The following TAF3 variants were observed in gnomAD, a reference collection of about 807,000 sequenced individuals.
TAF3 encodes transcription initiation factor TFIID subunit 3.
In TAF3, 7 loss-of-function variants were observed where a neutral mutation model predicts 80.6. That is an observed-to-expected ratio of 0.09 (90% confidence interval 0.05 to 0.16). The LOEUF is 0.16. TAF3 is among the 10% of genes least tolerant of loss of function. The pLI, the probability that TAF3 is intolerant of heterozygous loss-of-function variation, is 1.00. For missense variants in TAF3, 921 were observed against 1,140.2 expected, an observed-to-expected ratio of 0.81 and a Z score of 2.77; for synonymous variants, 444 against 446.1, an observed-to-expected ratio of 1.00 and a Z score of 0.06.
In TAF3 at chr10:8,009,453, A is replaced by G; in HGVS notation, c.2568+123A>G. ...TCAAAATTTTATTATTTACTTAATT[A>G]TTTTTGAGACAGGGTCTCCCTGTGT... On this transcript the variant is annotated intron_variant, in intron 5 of 6. Transcript: ENST00000344293. This position sits in a 1 kb window ranked among gnomAD's most constrained non-coding sequence, Gnocchi z 4.1. The G allele has an allele frequency of 2.2e-6, 3 of 1,341,410 alleles. No individual in the cohort carries two copies. Among genetic ancestry groups the G allele is most frequent in the Non-Finnish European group, 2.9e-6 (3 of 1,023,682 alleles). The allele number at this position is 1,341,410 out of a possible 1,614,324, so 83.1% of individuals were successfully genotyped here.
At chr10:7,835,070 C>T (rs1321852256) in intron 2 of TAF3, among the ~76,000 whole-genome samples, 2 of 152,134 alleles carry the variant, frequency 1.3e-5, no homozygotes, top group Non-Finnish European at 2.9e-5. Flanking sequence ...GTCTTCTCTT[C>T]TTTATAGAAA....
At chr10:7,869,332 A>G (rs1386516280) in intron 2 of TAF3, among the ~76,000 whole-genome samples, 1 of 152,148 alleles carries the variant, frequency 6.6e-6, no homozygotes, top group Non-Finnish European at 1.5e-5. Flanking sequence ...ATACACACAC[A>G]TAAATACATA....
At chr10:7,904,977 T>C (rs1837593723) in intron 2 of TAF3, among the ~76,000 whole-genome samples, 3 of 152,166 alleles carry the variant, frequency 2.0e-5, no homozygotes, top group Non-Finnish European at 4.4e-5. Flanking sequence ...CACTGCCCTT[T>C]TTCTTTTGCT....
intron 2 of TAF3, among the ~76,000 whole-genome samples, chr10:7,895,156 GAAAGGT>G (rs1382816108): frequency 6.6e-6 from 1 of 152,112 alleles, no homozygotes; most frequent in African/African-American, 2.4e-5. Flanking sequence ...GCCTCTCTTT[GAAAGGT>G]AAATCCTAAA....
rs1837306820 is a variant in TAF3 at position 7,875,717 on chromosome 10, A to AC, written c.409+51163dup. ...AAAATATATCTAGTTTAGTGAATTT[A>AC]CCCCCCAAAGCCTCTGGTGTCTAAT... On this transcript the variant is annotated intron_variant, in intron 2 of 6. Coordinates refer to ENST00000344293, the MANE Select transcript of TAF3 (RefSeq NM_031923.4). Among the ~76,000 whole-genome samples, 4 of 152,296 alleles carry AC rather than the reference A, an allele frequency of 2.6e-5. No homozygotes were observed. The South Asian group carries it at 8.3e-4, about 32-fold the overall frequency.
Position 8,016,446 on chromosome 10 carries a change from T to C in TAF3, c.*1695T>C, listed in dbSNP as rs970680318. On this transcript the variant is annotated 3_prime_UTR_variant, in exon 7 of 7. Transcript: ENST00000344293. The stretch of plus-strand genomic sequence containing the variant: ...GCCCTCGTTGTTCAAGAGGCCAGAA[T>C]TTTTCTATCCCCGCTAAGAAACAAA... 1 of 152,180 alleles carries C rather than the reference T, an allele frequency of 6.6e-6. No individual in the cohort carries two copies. The highest frequency in any genetic ancestry group is 2.4e-5 in the African/African-American group (1 of 41,438). The allele number at this position is 152,180 out of a possible 1,614,324, so 9.4% of individuals were successfully genotyped here. A position where few individuals can be genotyped will look rare whatever the true frequency, so the allele number is the denominator to read the frequency against.
intron 2 of TAF3, among the ~76,000 whole-genome samples, chr10:7,957,642 A>G (rs1164925754): frequency 2.0e-5 from 3 of 152,144 alleles, no homozygotes; most frequent in Non-Finnish European, 4.4e-5. Context: ...TTTTTTTTCA[A>G]TATTTGTTTC....
intron 2 of TAF3, among the ~76,000 whole-genome samples, chr10:7,876,555 A>G (rs1268450835): frequency 2.6e-5 from 4 of 152,226 alleles, no homozygotes; most frequent in African/African-American, 7.2e-5. Flanking sequence ...TATTGTCCAC[A>G]TAGGAGAAAG....
chr10:7,823,823 C>T (rs751339448), intron 1 of TAF3, among the ~76,000 whole-genome samples: 3 of 151,826 alleles, frequency 2.0e-5, no homozygotes, highest in Non-Finnish European at 2.9e-5. Flanking sequence ...TTAGTAGAGA[C>T]GGGGTTTCAC....
chr10:7,964,909 G>A lies in TAF3; in HGVS notation c.1399G>A (p.Asp467Asn). 6.2e-7 allele frequency: 1 copy of A among 1,614,090 alleles called. No individual in the cohort carries two copies. The change falls in exon 3 of 7, where the codon GAT becomes AAT. Residue 467 changes from aspartate to asparagine, a missense_variant. Asp to Asn is a conservative substitution (Grantham distance 23). Coordinates refer to ENST00000344293, the MANE Select transcript of TAF3 (RefSeq NM_031923.4). The surrounding 1 kb of genome is among the most constrained non-coding windows in gnomAD (Gnocchi z 4.1). ...AAGTTCCGATAACTCATGGACAATG[G>A]ATGCCTCCATTGATGAGGTTGTACG... ...TSSSDNSWTM[D>N]ASIDEVVRKA...
chr10:7,928,973 T>C (rs949953512), intron 2 of TAF3, among the ~76,000 whole-genome samples: 21 of 152,214 alleles, frequency 1.4e-4, no homozygotes, highest in African/African-American at 4.8e-4. Context: ...GCCCCTACTG[T>C]TAGAACTGGA....
intron 2 of TAF3, among the ~76,000 whole-genome samples, chr10:7,872,213 ATTTT>A (rs34945620): frequency 8.2e-6 from 1 of 121,982 alleles, no homozygotes; most frequent in African/African-American, 3.1e-5. Flanking sequence ...TGTTGGGTTG[ATTTT>A]TTTTTTTTTT....
intron 2 of TAF3, among the ~76,000 whole-genome samples, chr10:7,933,193 T>C (rs1206721167): frequency 6.6e-6 from 1 of 152,192 alleles, no homozygotes; most frequent in Non-Finnish European, 1.5e-5. Flanking sequence ...AGTTAACATG[T>C]ACATAGAAAT....
At position 8,016,504 on chromosome 10, in the gene TAF3, G is replaced by A. The variant is rs1423446323; in HGVS notation, c.*1753G>A. ...TGTTGAGATATGTGTTTTTTTGTTT[G>A]ATTAATTTGAGATCATTCTAAATAC... On this transcript the variant is annotated 3_prime_UTR_variant, in exon 7 of 7. Transcript: ENST00000344293. 1 of 151,472 alleles carries A rather than the reference G, an allele frequency of 6.6e-6. No homozygotes were observed. Among genetic ancestry groups the A allele is most frequent in the Admixed American group, 6.6e-5 (1 of 15,196 alleles). The allele number at this position is 151,472 out of a possible 1,614,324, so 9.4% of individuals were successfully genotyped here.
intron 2 of TAF3, among the ~76,000 whole-genome samples, chr10:7,885,254 A>C (rs1325420784): frequency 2.6e-5 from 4 of 151,498 alleles, no homozygotes; most frequent in Non-Finnish European, 5.9e-5. Context: ...ATTTTGACAC[A>C]CACACACACA....
chr10:7,973,545 AAAAG>A (rs1159906122), intron 3 of TAF3, among the ~76,000 whole-genome samples: 2 of 152,204 alleles, frequency 1.3e-5, no homozygotes, highest in African/African-American at 4.8e-5. Context: ...AACAAAATGG[AAAAG>A]AAAGGAAAAA....
chr10:7,974,026 G>T (rs201388257), intron 3 of TAF3, among the ~76,000 whole-genome samples: 2 of 152,154 alleles, frequency 1.3e-5, no homozygotes, highest in East Asian at 3.9e-4. Context: ...TACTCGGGAG[G>T]CTGAGGCAGG....
intron 2 of TAF3, among the ~76,000 whole-genome samples, chr10:7,878,810 C>T (rs761177489): frequency 5.3e-5 from 8 of 151,958 alleles, no homozygotes; most frequent in Non-Finnish European, 8.8e-5. Context: ...CTCACTGCAA[C>T]CTTTGCCTCT....
In TAF3 at chr10:8,009,563, C is replaced by T. The variant is rs2131441620; in HGVS notation, c.2568+233C>T. The stretch of plus-strand genomic sequence containing the variant: ...CCAAGCGATCCTCCTGCATTAGCTT[C>T]TCAAAGTGGTGGGGTTACAGGCCTG... On this transcript the variant is annotated intron_variant, in intron 5 of 6. Coordinates refer to ENST00000344293, the MANE Select transcript of TAF3 (RefSeq NM_031923.4). The surrounding 1 kb of genome is among the most constrained non-coding windows in gnomAD (Gnocchi z 4.1). Among the ~76,000 whole-genome samples, 1 of 152,206 alleles carries T rather than the reference C, an allele frequency of 6.6e-6. No homozygotes were observed. The highest frequency in any genetic ancestry group is 6.5e-5 in the Admixed American group (1 of 15,296).
Sources: allele counts gnomAD v4.1 joint callset (sites outside exome capture counted in the v4.1 genomes callset), GRCh38; gene constraint gnomAD v4.1.1; non-coding constraint Gnocchi (gnomAD v3.1); transcripts MANE v1.5; gene names NCBI Gene and HGNC (gene_info 2026-07-23, HGNC 2026-07-21).